WWOX: variants seen among roughly 807,000 people sequenced by gnomAD.
The protein encoded by WWOX is WW domain-containing oxidoreductase.
Under a neutral mutation model 46.2 loss-of-function variants are expected in WWOX, and 69 were observed. That is an observed-to-expected ratio of 1.49 (90% confidence interval 1.23 to 1.82). The LOEUF is 1.82. Among genes scored for constraint, WWOX ranks in the 40% most tolerant of loss-of-function variants. The probability of loss-of-function intolerance (pLI) is 0.00; values close to 1 mark genes in which losing one functional copy is unlikely to be tolerated. For missense variants in WWOX, 919 were observed against 542.6 expected (o/e 1.69, Z -6.89); for synonymous variants, 359 against 202.6 (o/e 1.77, Z -6.56).
chr16:78,548,778 T>A (rs2044108335), intron 8 of WWOX, among the ~76,000 whole-genome samples: 1 of 152,230 alleles, frequency 6.6e-6, no homozygotes, highest in South Asian at 2.1e-4. Context: ...AGTTCAGGTT[T>A]GTTGGTTTGA....
At chr16:78,770,432 C>T (rs1185432155) in intron 8 of WWOX, among the ~76,000 whole-genome samples, 1 of 152,218 alleles carries the variant, frequency 6.6e-6, no homozygotes, top group African/African-American at 2.4e-5. Context: ...TGGGGCAGTA[C>T]ACCCAGGAAA....
chr16:78,745,962 A>G lies in WWOX; in HGVS notation c.1056+313210A>G, dbSNP rs116185116. Among the ~76,000 whole-genome samples, 1,317 of 152,214 alleles carry G rather than the reference A, an allele frequency of 8.7e-3. 14 individuals are homozygous for G. Among genetic ancestry groups the G allele is most frequent in the African/African-American group, 0.03 (1,234 of 41,534 alleles). On this transcript the variant is annotated intron_variant, in intron 8 of 8. Coordinates refer to ENST00000566780, the MANE Select transcript of WWOX (RefSeq NM_016373.4). ...CCTTCCAGCCCTGACTCCAGCTGCT[A>G]TGAACTGGAACCCTGCACCACGTCT...
At chr16:78,805,758 A>G (rs968284918) in intron 8 of WWOX, among the ~76,000 whole-genome samples, 9 of 152,320 alleles carry the variant, frequency 5.9e-5, no homozygotes, top group African/African-American at 1.7e-4. Flanking sequence ...TTATACGGCT[A>G]TATCTCCATA....
At chr16:78,332,558 C>T (rs1057265667) in intron 5 of WWOX, among the ~76,000 whole-genome samples, 2 of 152,126 alleles carry the variant, frequency 1.3e-5, no homozygotes, top group African/African-American at 2.4e-5. Context: ...AACAAACATC[C>T]ATTTGTCCAC....
At chr16:78,929,491 G>C (rs1223443557) in intron 8 of WWOX, among the ~76,000 whole-genome samples, 1 of 150,526 alleles carries the variant, frequency 6.6e-6, no homozygotes, top group Non-Finnish European at 1.5e-5. Context: ...CTAAGGAGAG[G>C]AAAAAAAAAT....
At chr16:79,155,563 G>C (rs980292200) in intron 8 of WWOX, among the ~76,000 whole-genome samples, 2 of 152,138 alleles carry the variant, frequency 1.3e-5, no homozygotes, top group African/African-American at 2.4e-5. Flanking sequence ...CTACATGGTT[G>C]GCTGGATTTG....
intron 5 of WWOX, among the ~76,000 whole-genome samples, chr16:78,360,189 T>G (rs767637456): frequency 5.9e-5 from 9 of 152,208 alleles, no homozygotes; most frequent in Non-Finnish European, 1.0e-4. Flanking sequence ...CAAGGGCGTT[T>G]TGACACCAGA....
intron 5 of WWOX, among the ~76,000 whole-genome samples, chr16:78,165,029 T>A (rs2034926173): frequency 6.6e-6 from 1 of 152,138 alleles, no homozygotes; most frequent in African/African-American, 2.4e-5. Flanking sequence ...ATGCTAAGGC[T>A]CAGAGGTAGG....
intron 8 of WWOX, among the ~76,000 whole-genome samples, chr16:78,836,997 G>T (rs974446309): frequency 6.6e-6 from 1 of 152,096 alleles, no homozygotes; most frequent in African/African-American, 2.4e-5. Context: ...TTGTTCTCTA[G>T]AACATAGAAG....
chr16:78,407,424 C>T (rs1397806839), intron 6 of WWOX, among the ~76,000 whole-genome samples: 1 of 152,180 alleles, frequency 6.6e-6, no homozygotes. Flanking sequence ...TCCCCCAAAG[C>T]CACAATTATC....
intron 8 of WWOX, among the ~76,000 whole-genome samples, chr16:78,969,057 C>G (rs1370410184): frequency 1.3e-5 from 2 of 152,098 alleles, no homozygotes; most frequent in Admixed American, 6.6e-5. Flanking sequence ...TGGCCCTTGT[C>G]TTGTTATTTC....
chr16:79,181,558 G>GT (rs1047825494), intron 8 of WWOX, among the ~76,000 whole-genome samples: 79 of 148,672 alleles, frequency 5.3e-4, no homozygotes, highest in East Asian at 9.8e-4. Context: ...CTTGGTAGGG[G>GT]TTTTTTTTTT....
At chr16:78,859,391 C>G (rs932239430) in intron 8 of WWOX, among the ~76,000 whole-genome samples, 1 of 151,878 alleles carries the variant, frequency 6.6e-6, no homozygotes, top group African/African-American at 2.4e-5. Flanking sequence ...AGCAGAGGTA[C>G]CTTGCAGTAC....
chr16:78,706,691 C>G (rs568502520), intron 8 of WWOX, among the ~76,000 whole-genome samples: 2 of 152,188 alleles, frequency 1.3e-5, no homozygotes, highest in African/African-American at 2.4e-5. Context: ...TGCTCTTTCT[C>G]GATCCTTGCA....
chr16:78,588,382 C>A (rs773474152), intron 8 of WWOX, among the ~76,000 whole-genome samples: 14 of 152,252 alleles, frequency 9.2e-5, no homozygotes, highest in East Asian at 1.9e-4. Flanking sequence ...TGATTTATAT[C>A]TTGGGGGGCC....
chr16:78,677,351 C>G (rs1005454465), intron 8 of WWOX, among the ~76,000 whole-genome samples: 6 of 152,196 alleles, frequency 3.9e-5, no homozygotes, highest in Non-Finnish European at 5.9e-5. Context: ...AGATTACATA[C>G]ATCCTGAAAA....
chr16:78,241,619 T>C (rs568748886), intron 5 of WWOX, among the ~76,000 whole-genome samples: 15 of 152,232 alleles, frequency 9.9e-5, no homozygotes, highest in East Asian at 5.8e-4. Flanking sequence ...TTTGTAGTTT[T>C]AGTAGAGATG....
At chr16:78,717,931 T>C (rs557296174) in intron 8 of WWOX, among the ~76,000 whole-genome samples, 8 of 152,296 alleles carry the variant, frequency 5.3e-5, no homozygotes, top group African/African-American at 1.7e-4. Context: ...ACCAAGTGTC[T>C]TATTGTAAAT....
intron 8 of WWOX, chr16:78,826,129 C>G (rs2051649481): frequency 3.7e-6 from 1 of 272,764 alleles, no homozygotes; most frequent in Non-Finnish European, 6.8e-6. Flanking sequence ...TCAAGACAGG[C>G]CGATCACTTG....
Sources: allele counts gnomAD v4.1 joint callset (sites outside exome capture counted in the v4.1 genomes callset), GRCh38; gene constraint gnomAD v4.1.1; transcripts MANE v1.5; gene names NCBI Gene and HGNC (gene_info 2026-07-23, HGNC 2026-07-21).